Variants in FRMPD2 observed in about 807,000 individuals in gnomAD.
The protein encoded by FRMPD2 is FERM and PDZ domain-containing protein 2.
In FRMPD2, 96 loss-of-function variants were observed where a neutral mutation model predicts 140.1. That is an observed-to-expected ratio of 0.69 (90% confidence interval 0.58 to 0.81). The LOEUF (loss-of-function observed/expected upper bound fraction) is 0.81, where lower values mean the gene tolerates loss of function less well. FRMPD2 is among the 40% of genes least tolerant of loss of function. The pLI, the probability that FRMPD2 is intolerant of heterozygous loss-of-function variation, is 0.00. For missense variants in FRMPD2, 1,240 were observed against 1,447.4 expected (o/e 0.86, Z 2.32); for synonymous variants, 449 against 547.6 (o/e 0.82, Z 2.52).
intron 9 of FRMPD2, among the ~76,000 whole-genome samples, chr10:48,234,662 G>T (rs932470676): frequency 6.6e-6 from 1 of 152,098 alleles, no homozygotes; most frequent in African/African-American, 2.4e-5. Context: ...CCCAGGTAAG[G>T]GACAGAGGTC....
At chr10:48,258,335 C>T (rs1840523641) in intron 1 of FRMPD2, among the ~76,000 whole-genome samples, 1 of 152,210 alleles carries the variant, frequency 6.6e-6, no homozygotes, top group African/African-American at 2.4e-5. Flanking sequence ...CAGAGCCTGA[C>T]CTTGAGTGAG....
intron 10 of FRMPD2, among the ~76,000 whole-genome samples, chr10:48,224,618 C>G (rs1293132412): frequency 6.6e-6 from 1 of 152,168 alleles, no homozygotes; most frequent in Non-Finnish European, 1.5e-5. Context: ...AGTTCCCCAC[C>G]AAAGGTTGGT....
At chr10:48,266,271 G>T (rs1053440565) in intron 1 of FRMPD2, among the ~76,000 whole-genome samples, 5 of 152,090 alleles carry the variant, frequency 3.3e-5, no homozygotes, top group Non-Finnish European at 5.9e-5. Context: ...TGTGTCCTAG[G>T]CTTAGTACCA....
chr10:48,247,554 G>A (rs1022847959), intron 3 of FRMPD2, among the ~76,000 whole-genome samples: 1 of 152,210 alleles, frequency 6.6e-6, no homozygotes, highest in Admixed American at 6.5e-5. Flanking sequence ...GACTTCTCTA[G>A]AAAGCTTGCA....
intron 2 of FRMPD2, among the ~76,000 whole-genome samples, chr10:48,250,423 A>G (rs1489154810): frequency 1.3e-5 from 2 of 152,238 alleles, no homozygotes; most frequent in East Asian, 1.9e-4. Context: ...TTTGAGACAG[A>G]GTTTCGCGCT....
At chr10:48,253,529 T>A (rs1840432065) in intron 1 of FRMPD2, among the ~76,000 whole-genome samples, 1 of 152,110 alleles carries the variant, frequency 6.6e-6, no homozygotes. Context: ...ACAAAGCAGT[T>A]AGAAAAACCC....
intron 15 of FRMPD2, among the ~76,000 whole-genome samples, chr10:48,195,221 T>C (rs12258653): frequency 6.6e-6 from 1 of 152,132 alleles, no homozygotes; most frequent in African/African-American, 2.4e-5. Flanking sequence ...AGACCACCCA[T>C]GAGAAACAGC....
chr10:48,214,669 T>G (rs1008866831), intron 12 of FRMPD2, among the ~76,000 whole-genome samples: 4 of 152,216 alleles, frequency 2.6e-5, no homozygotes, highest in Non-Finnish European at 4.4e-5. Flanking sequence ...TAGGAATATA[T>G]CCAAGAGAAA....
At chr10:48,273,554 C>A (rs1333429082) in intron 1 of FRMPD2, among the ~76,000 whole-genome samples, 1 of 152,186 alleles carries the variant, frequency 6.6e-6, no homozygotes, top group African/African-American at 2.4e-5. Flanking sequence ...CTGCTCCCAA[C>A]TCCTGCTAGT....
chr10:48,192,805 A>G lies in FRMPD2; in HGVS notation c.2044T>C (p.Ser682Pro). 6.2e-7 allele frequency: 1 copy of G among 1,614,122 alleles called. No individual in the cohort carries two copies. The highest frequency in any genetic ancestry group is 8.5e-7 in the Non-Finnish European group (1 of 1,180,004). The change falls in exon 16 of 29, where the codon TCA becomes CCA. Residue 682 changes from serine (S) to proline (P), a missense_variant. By Grantham distance (74) the Ser-to-Pro change is moderately conservative. Coordinates refer to ENST00000374201, the MANE Select transcript of FRMPD2 (RefSeq NM_001018071.4). ...PLIWIQRLSC[S>P]ENELFVSRLQ... ...CTGGATACAAACAACTCGTTTTCTG[A>G]GCATGACAATCTCTGAATCCAAATG... is the stretch of plus-strand genomic sequence containing the variant.
chr10:48,222,996 C>T (rs1588839411), intron 11 of FRMPD2, 127 bp downstream of exon 11: 1 of 875,838 alleles, frequency 1.1e-6, no homozygotes, highest in Admixed American at 2.6e-5. Context: ...GAAAACCAAC[C>T]ACAATAGCTA....
At chr10:48,203,919 C>G (rs776434035) in intron 14 of FRMPD2, among the ~76,000 whole-genome samples, 1 of 152,132 alleles carries the variant, frequency 6.6e-6, no homozygotes, top group African/African-American at 2.4e-5. Flanking sequence ...AGAGCAGAAC[C>G]CTTTAAGAAG....
At chr10:48,234,807 C>T (rs966536469) in intron 9 of FRMPD2, among the ~76,000 whole-genome samples, 1 of 152,092 alleles carries the variant, frequency 6.6e-6, no homozygotes, top group Admixed American at 6.6e-5. Context: ...AAGATGCTCG[C>T]CCCAGACAGA....
chr10:48,233,697 G>T (rs2131929079), intron 9 of FRMPD2, among the ~76,000 whole-genome samples: 1 of 152,230 alleles, frequency 6.6e-6, no homozygotes, highest in South Asian at 2.1e-4. Context: ...ACTTTCAGCA[G>T]TCCTGCCTCC....
chr10:48,269,752 T>C (rs1210414232), intron 1 of FRMPD2, among the ~76,000 whole-genome samples: 1 of 152,188 alleles, frequency 6.6e-6, no homozygotes, highest in Non-Finnish European at 1.5e-5. Flanking sequence ...CCATTAAAAA[T>C]ACTGGTTAGT....
intron 16 of FRMPD2, among the ~76,000 whole-genome samples, chr10:48,189,682 TTTTCTAGTAAGAC>T (rs60629739): frequency 0.048 from 7,344 of 152,288 alleles, 562 homozygotes; most frequent in African/African-American, 0.16. Flanking sequence ...CTCAATCCAT[TTTTCTAGTAAGAC>T]TAAGGAGGCC....
chr10:48,222,371 A>G lies in FRMPD2; in HGVS notation c.1397T>C (p.Ile466Thr), dbSNP rs1839618519. The change falls in exon 12 of 29, where the codon ATA becomes ACA. Residue 466 changes from isoleucine to threonine, a missense_variant. Ile to Thr is a moderately conservative substitution (Grantham distance 89). Transcript: ENST00000374201. ...LEERLYCNEE[I>T]LLQLGVLALQ... is the part of the protein sequence containing the mutation. ...GGCAAGGACCCCCAGCTGCAGCAGTATCTCTTCATTGCAGTACAGCCTCTC... is the reference window on the plus strand; with the variant it reads ...GGCAAGGACCCCCAGCTGCAGCAGTGTCTCTTCATTGCAGTACAGCCTCTC... 6.2e-7 allele frequency: 1 copy of G among 1,614,090 alleles called. No homozygotes were observed. Among genetic ancestry groups the G allele is most frequent in the African/African-American group, 1.3e-5 (1 of 74,940 alleles).
intron 14 of FRMPD2, among the ~76,000 whole-genome samples, chr10:48,202,123 A>G (rs935181296): frequency 2.0e-5 from 3 of 152,182 alleles, no homozygotes; most frequent in African/African-American, 7.2e-5. Flanking sequence ...AAAAAAGTAC[A>G]AATTTTTGCA....
intron 13 of FRMPD2, among the ~76,000 whole-genome samples, chr10:48,207,579 GT>G (rs1250776266): frequency 3.9e-5 from 6 of 152,302 alleles, no homozygotes; most frequent in Admixed American, 3.9e-4. Flanking sequence ...TGGGGACTGC[GT>G]TAGGCCACCA....
Sources: allele counts gnomAD v4.1 joint callset (sites outside exome capture counted in the v4.1 genomes callset), GRCh38; gene constraint gnomAD v4.1.1; transcripts MANE v1.5; gene names NCBI Gene and HGNC (gene_info 2026-07-23, HGNC 2026-07-21).